COL5A2: variants seen among roughly 807,000 people sequenced by gnomAD.
The protein encoded by COL5A2 is collagen type V alpha 2 chain.
In COL5A2, 23 loss-of-function variants were observed where a neutral mutation model predicts 208.2. The observed-to-expected ratio is 0.11, with a 90% confidence interval of 0.08 to 0.16. The LOEUF (loss-of-function observed/expected upper bound fraction) is 0.16, where lower values mean the gene tolerates loss of function less well. COL5A2 is among the 10% of genes least tolerant of loss of function. The probability of loss-of-function intolerance (pLI) is 1.00; values close to 1 mark genes in which losing one functional copy is unlikely to be tolerated. For synonymous variants in COL5A2, 625 were observed against 628.5 expected (o/e 0.99, Z 0.08); for missense variants, 1,590 against 1,956.4 (o/e 0.81, Z 3.53).
At chr2:189,170,062 A>T (rs965222115) in intron 1 of COL5A2, among the ~76,000 whole-genome samples, 1 of 152,218 alleles carries the variant, frequency 6.6e-6, no homozygotes, top group Non-Finnish European at 1.5e-5. Context: ...TGCCATATTA[A>T]TGAGTTCCTA....
the COL5A2 span, among the ~76,000 whole-genome samples, chr2:189,232,762 G>A: frequency 6.6e-6 from 1 of 151,640 alleles, no homozygotes; most frequent in African/African-American, 2.4e-5. Context: ...GACTTCCCTT[G>A]CCCTTTCTCC....
the COL5A2 span, among the ~76,000 whole-genome samples, chr2:189,310,346 C>T: frequency 0.037 from 5,624 of 152,082 alleles, 119 homozygotes; most frequent in Admixed American, 0.05. Flanking sequence ...ATCAGAGAAA[C>T]GCAAATCAAA....
intron 1 of COL5A2, among the ~76,000 whole-genome samples, chr2:189,146,943 T>C (rs1318785805): frequency 2.6e-5 from 4 of 152,268 alleles, no homozygotes; most frequent in East Asian, 1.9e-4. Context: ...TGTGAAACTA[T>C]CTTTGTGAAA....
chr2:189,421,339 GAACAACT>G, the COL5A2 span, among the ~76,000 whole-genome samples: 1 of 152,068 alleles, frequency 6.6e-6, no homozygotes. Context: ...ACATTAATTT[GAACAACT>G]ATCCACGCAC....
At chr2:189,368,345 C>T in the COL5A2 span, among the ~76,000 whole-genome samples, 2 of 152,158 alleles carry the variant, frequency 1.3e-5, no homozygotes, top group Non-Finnish European at 2.9e-5. Flanking sequence ...CCATCCACAT[C>T]ACCAGCCACT....
chr2:189,324,957 C>T, the COL5A2 span, among the ~76,000 whole-genome samples: 1 of 152,120 alleles, frequency 6.6e-6, no homozygotes, highest in Non-Finnish European at 1.5e-5. Context: ...GAAAATGTGG[C>T]ACATATACAC....
At position 189,086,693 on chromosome 2, in the gene COL5A2, T is replaced by C. The variant is rs181670463; in HGVS notation, c.690+33A>G. The stretch of plus-strand genomic sequence containing the variant: ...ATATATGTGTGTGTGTATGTTTTTC[T>C]TACAGCATGTAATTAATTATAAAGA... On this transcript the variant is annotated intron_variant, in intron 9 of 53. Coordinates refer to ENST00000374866, the MANE Select transcript of COL5A2 (RefSeq NM_000393.5). The C allele has an allele frequency of 9.9e-5, 151 of 1,528,976 alleles. 1 individual carries two copies. Among genetic ancestry groups the C allele is most frequent in the Admixed American group, 6.9e-4 (37 of 53,420 alleles). The allele number at this position is 1,528,976 out of a possible 1,614,324, so 94.7% of individuals were successfully genotyped here.
the COL5A2 span, among the ~76,000 whole-genome samples, chr2:189,339,853 G>A: frequency 6.6e-6 from 1 of 152,148 alleles, no homozygotes; most frequent in Non-Finnish European, 1.5e-5. Flanking sequence ...TGATTTTTCT[G>A]AGAAAGGAAC....
At chr2:189,037,109 G>A (rs1384696883) in intron 51 of COL5A2, among the ~76,000 whole-genome samples, 2 of 152,086 alleles carry the variant, frequency 1.3e-5, no homozygotes, top group East Asian at 1.9e-4. Flanking sequence ...TATAGTAAGC[G>A]GCTTTACCAA....
Position 189,069,819 on chromosome 2 carries a change from C to T in COL5A2, c.1159-935G>A, listed in dbSNP as rs146889645. ...GATTTGAGTTGTAAAAACTCAGTTC[C>T]ACCGACCTTCAAGAAAGCATTTATC... is the stretch of plus-strand genomic sequence containing the variant. On this transcript the variant is annotated intron_variant, in intron 18 of 53. Coordinates refer to ENST00000374866, the MANE Select transcript of COL5A2 (RefSeq NM_000393.5). Among the ~76,000 whole-genome samples the T allele has an allele frequency of 1.3e-3, 194 of 152,222 alleles. 1 individual carries two copies. The highest frequency in any genetic ancestry group is 2.0e-3 in the Non-Finnish European group (139 of 68,004).
the COL5A2 span, among the ~76,000 whole-genome samples, chr2:189,331,185 C>T: frequency 6.6e-6 from 1 of 151,946 alleles, no homozygotes; most frequent in Non-Finnish European, 1.5e-5. Flanking sequence ...CATTTGATAA[C>T]CTAATAGCAG....
At chr2:189,224,540 T>C (rs1205385948) in intron 1 of COL5A2, among the ~76,000 whole-genome samples, 5 of 151,588 alleles carry the variant, frequency 3.3e-5, no homozygotes, top group Non-Finnish European at 7.4e-5. Context: ...AATACAAAAA[T>C]TAGCTGGGCA....
At chr2:189,233,838 CT>C in the COL5A2 span, among the ~76,000 whole-genome samples, 20,836 of 151,534 alleles carry the variant, frequency 0.14, 1,955 homozygotes, top group South Asian at 0.2. Context: ...TATTGTGTTT[CT>C]CATGCCATCA....
chr2:189,254,183 T>C, the COL5A2 span, among the ~76,000 whole-genome samples: 1 of 152,258 alleles, frequency 6.6e-6, no homozygotes, highest in Non-Finnish European at 1.5e-5. Flanking sequence ...TTATTATTCT[T>C]ACAAAACCTT....
the COL5A2 span, among the ~76,000 whole-genome samples, chr2:189,290,272 G>A: frequency 2.5e-4 from 38 of 152,266 alleles, no homozygotes; most frequent in East Asian, 7.7e-4. Flanking sequence ...TTTGAACAAC[G>A]ACAAAATCAC....
the COL5A2 span, among the ~76,000 whole-genome samples, chr2:189,287,607 A>G: frequency 1.3e-5 from 2 of 152,214 alleles, no homozygotes; most frequent in African/African-American, 4.8e-5. Context: ...AAGGAAATAT[A>G]TGATGAGGTA....
chr2:189,184,546 C>G (rs1044273757), upstream of COL5A2, among the ~76,000 whole-genome samples: 2 of 152,146 alleles, frequency 1.3e-5, no homozygotes, highest in Admixed American at 1.3e-4. Flanking sequence ...TTAGAAGTTA[C>G]CTGCATTCCT....
chr2:189,071,933 G>T, intron 18 of COL5A2, 107 bp downstream of exon 18: 4 of 753,626 alleles, frequency 5.3e-6, no homozygotes, highest in Non-Finnish European at 6.8e-6. Context: ...TCTTTCCTTA[G>T]TTAAAAGTAA....
intron 6 of COL5A2, among the ~76,000 whole-genome samples, chr2:189,093,087 C>A (rs1686822812): frequency 6.6e-6 from 1 of 152,142 alleles, no homozygotes; most frequent in South Asian, 2.1e-4. Context: ...TGTGACCCAG[C>A]CAAGTCTAAG....
Sources: gnomAD v4.1 joint callset for allele counts (sites outside exome capture counted in the v4.1 genomes callset) on GRCh38, gnomAD v4.1.1 for gene constraint, MANE v1.5 for transcripts, NCBI Gene and HGNC (gene_info 2026-07-23, HGNC 2026-07-21) for gene names.